SLC39A11: variants seen among roughly 807,000 people sequenced by gnomAD.
SLC39A11 encodes the protein solute carrier family 39 member 11.
Under a neutral mutation model 36.1 loss-of-function variants are expected in SLC39A11, and 33 were observed. The observed-to-expected ratio is 0.91, with a 90% CI of 0.69 to 1.22. The LOEUF (loss-of-function observed/expected upper bound fraction) is 1.22, where lower values mean the gene tolerates loss of function less well. SLC39A11 is among the 50% of genes most tolerant of loss of function. The probability of loss-of-function intolerance (pLI) is 0.00; values close to 1 mark genes in which losing one functional copy is unlikely to be tolerated. For missense variants in SLC39A11, 432 were observed against 430.3 expected (o/e 1.00, Z -0.03); for synonymous variants, 166 against 170.3 (o/e 0.97, Z 0.20).
chr17:73,013,795 C>T (rs2090657697), intron 4 of SLC39A11, among the ~76,000 whole-genome samples: 1 of 152,024 alleles, frequency 6.6e-6, no homozygotes. Flanking sequence ...TAAAGGATCA[C>T]ATCCACATGG....
chr17:72,653,313 T>C lies in SLC39A11; in HGVS notation c.672-4045A>G, dbSNP rs2143893028. 2.0e-5 allele frequency among the ~76,000 whole-genome samples: 3 copies of C among 151,890 alleles called. No individual in the cohort carries two copies. In the Middle Eastern group the frequency reaches 0.01, roughly 517 times the overall value. ...TAGCAGAGACAGGGTTTCAGAATAT[T>C]AGCCAGGCTGGTCTCAAACTCCTGA... On this transcript the variant is annotated intron_variant, in intron 7 of 9. Coordinates refer to ENST00000255559, the MANE Select transcript of SLC39A11 (RefSeq NM_139177.4).
chr17:73,007,928 C>CCT (rs1421810413), intron 4 of SLC39A11, among the ~76,000 whole-genome samples: 2 of 151,974 alleles, frequency 1.3e-5, no homozygotes, highest in Non-Finnish European at 2.9e-5. Flanking sequence ...CATGGTGAAA[C>CCT]CCCATCTCAA....
intron 6 of SLC39A11, among the ~76,000 whole-genome samples, chr17:72,773,562 C>T (rs1211971851): frequency 2.0e-5 from 3 of 151,894 alleles, no homozygotes; most frequent in African/African-American, 4.8e-5. Flanking sequence ...TCCATTAAAC[C>T]ACTTTTTCTT....
intron 4 of SLC39A11, among the ~76,000 whole-genome samples, chr17:73,011,312 T>C (rs977670876): frequency 1.3e-5 from 2 of 152,046 alleles, no homozygotes; most frequent in Admixed American, 6.5e-5. Context: ...TGGCAAGAGA[T>C]AAGCAGGGAG....
chr17:72,931,626 A>T (rs2084403694), intron 5 of SLC39A11, among the ~76,000 whole-genome samples: 1 of 152,200 alleles, frequency 6.6e-6, no homozygotes. Context: ...AGGTGTCCTT[A>T]TTCTTGGTTC....
At chr17:72,868,989 A>T (rs1388126367) in intron 5 of SLC39A11, among the ~76,000 whole-genome samples, 1 of 152,128 alleles carries the variant, frequency 6.6e-6, no homozygotes, top group Non-Finnish European at 1.5e-5. Flanking sequence ...CTGCTGCGAA[A>T]CTCAGCTCAG....
chr17:73,035,139 G>GT (rs1428510873), intron 3 of SLC39A11, among the ~76,000 whole-genome samples: 1 of 142,638 alleles, frequency 7.0e-6, no homozygotes, highest in Non-Finnish European at 1.5e-5. Context: ...TTTGTTTTTT[G>GT]TTTTTGTTTT....
At chr17:72,899,631 C>A (rs2082216113) in intron 5 of SLC39A11, among the ~76,000 whole-genome samples, 1 of 152,114 alleles carries the variant, frequency 6.6e-6, no homozygotes, top group African/African-American at 2.4e-5. Context: ...GAGACAGCAG[C>A]AAGGAAAAAC....
chr17:72,691,646 T>C (rs1205897247), intron 7 of SLC39A11, among the ~76,000 whole-genome samples: 1 of 152,246 alleles, frequency 6.6e-6, no homozygotes, highest in African/African-American at 2.4e-5. Context: ...ATGGAAATTG[T>C]GAACCTGTGG....
chr17:73,046,802 G>A (rs1031392122), intron 3 of SLC39A11, among the ~76,000 whole-genome samples: 23 of 151,932 alleles, frequency 1.5e-4, no homozygotes, highest in African/African-American at 3.9e-4. Flanking sequence ...TTAGCCGGGC[G>A]TGGTGGCGCA....
intron 2 of SLC39A11, among the ~76,000 whole-genome samples, chr17:73,086,302 G>C (rs1308527382): frequency 6.6e-6 from 1 of 151,578 alleles, no homozygotes; most frequent in Admixed American, 6.6e-5. Context: ...CTAATAAAAT[G>C]TGCATTTTTC....
intron 3 of SLC39A11, among the ~76,000 whole-genome samples, chr17:73,061,184 A>AC: frequency 6.6e-6 from 1 of 152,126 alleles, no homozygotes; most frequent in African/African-American, 2.4e-5. Context: ...ACATGGTGAA[A>AC]CCCCGTCTCT....
chr17:72,957,926 G>T (rs1179477664), intron 4 of SLC39A11, among the ~76,000 whole-genome samples: 1 of 152,190 alleles, frequency 6.6e-6, no homozygotes, highest in Non-Finnish European at 1.5e-5. Context: ...GAGGGGTGAG[G>T]AGGTTACAGG....
intron 7 of SLC39A11, among the ~76,000 whole-genome samples, chr17:72,692,068 T>A (rs1351987405): frequency 6.6e-6 from 1 of 151,226 alleles, no homozygotes; most frequent in Non-Finnish European, 1.5e-5. Flanking sequence ...TGGAGTGCAG[T>A]GGCGCGATCT....
At chr17:72,864,967 C>T (rs1040291555) in intron 5 of SLC39A11, among the ~76,000 whole-genome samples, 1 of 152,132 alleles carries the variant, frequency 6.6e-6, no homozygotes, top group Non-Finnish European at 1.5e-5. Flanking sequence ...TAAATTTTGA[C>T]TAGCCATCTA....
At chr17:72,847,642 G>A (rs1011633538) in intron 6 of SLC39A11, among the ~76,000 whole-genome samples, 3 of 151,900 alleles carry the variant, frequency 2.0e-5, no homozygotes, top group South Asian at 2.1e-4. Flanking sequence ...TAGTGCTTTC[G>A]GCAGATTTAA....
chr17:72,852,553 C>T (rs2079412791), intron 5 of SLC39A11, among the ~76,000 whole-genome samples: 4 of 152,302 alleles, frequency 2.6e-5, no homozygotes. Context: ...GTGGTATCCA[C>T]ACCATGTGTA....
intron 6 of SLC39A11, among the ~76,000 whole-genome samples, chr17:72,780,943 C>T (rs546805009): frequency 8.0e-4 from 122 of 152,198 alleles, no homozygotes; most frequent in Non-Finnish European, 1.3e-3. Context: ...GCTCAGATCG[C>T]GCCATTGCAT....
At chr17:72,913,244 A>G (rs1227419082) in intron 5 of SLC39A11, among the ~76,000 whole-genome samples, 2 of 152,136 alleles carry the variant, frequency 1.3e-5, no homozygotes, top group Non-Finnish European at 2.9e-5. Flanking sequence ...GGGCATCTTT[A>G]TAAGCTGAAT....
Sources: allele counts gnomAD v4.1 joint callset (sites outside exome capture counted in the v4.1 genomes callset), GRCh38; gene constraint gnomAD v4.1.1; transcripts MANE v1.5; gene names NCBI Gene and HGNC (gene_info 2026-07-23, HGNC 2026-07-21).